Variants in ABCA1 observed in about 807,000 individuals in gnomAD.
ABCA1 encodes ATP binding cassette subfamily A member 1.
In ABCA1, 133 loss-of-function variants were observed where a neutral mutation model predicts 262.5. That is an observed-to-expected ratio of 0.51 (90% confidence interval 0.44 to 0.59). The LOEUF (loss-of-function observed/expected upper bound fraction) is 0.59. Ranked by LOEUF, ABCA1 falls within the 20% of genes least tolerant of loss-of-function variation. The probability of loss-of-function intolerance (pLI) is 0.00; values close to 1 mark genes in which losing one functional copy is unlikely to be tolerated. For synonymous variants in ABCA1, 1,022 were observed against 1,043.5 expected (o/e 0.98, Z 0.40); for missense variants, 2,452 against 2,777.5 (o/e 0.88, Z 2.63).
Position 104,793,176 on chromosome 9 carries a change from C to T in ABCA1, c.5631G>A (p.Arg1877=). ...TVLIQYRFFI[R]PRPVNAKLSP... ...GGTTCTAAGAAAAAGCTCACCTGGG[C>T]CTGATGAAGAATCTGTACTGGATCA... The change falls in exon 41 of 50, where the codon AGG becomes AGA. Residue 1877 remains arginine, a synonymous_variant. Transcript: ENST00000374736. The T allele has an allele frequency of 6.2e-7, 1 of 1,614,054 alleles. No homozygotes were observed.
intron 28 of ABCA1, among the ~76,000 whole-genome samples, chr9:104,811,787 GTCA>G (rs768387215): frequency 6.6e-5 from 10 of 152,134 alleles, no homozygotes; most frequent in Non-Finnish European, 1.2e-4. Flanking sequence ...GTTATCAATG[GTCA>G]TCATCAACAA....
chr9:104,884,578 T>C lies in ABCA1; in HGVS notation c.161-10A>G. The C allele has an allele frequency of 6.2e-7, 1 of 1,614,124 alleles. No homozygotes were observed. The highest frequency in any genetic ancestry group is 1.1e-5 in the South Asian group (1 of 91,084). ...TTATTTGGAAAATGGCCTGTTGAAATCGAGGAGTAGAAAAACACAGGGAGA... is the reference window on the plus strand; with the variant it reads ...TTATTTGGAAAATGGCCTGTTGAAACCGAGGAGTAGAAAAACACAGGGAGA... On this transcript the variant is annotated splice_polypyrimidine_tract_variant and intron_variant, in intron 3 of 49. Coordinates refer to ENST00000374736, the MANE Select transcript of ABCA1 (RefSeq NM_005502.4).
chr9:104,800,317 C>T (rs541121856), intron 35 of ABCA1, among the ~76,000 whole-genome samples, 193 bp downstream of exon 35: 1 of 152,262 alleles, frequency 6.6e-6, no homozygotes, highest in East Asian at 1.9e-4. Flanking sequence ...GTCAAGGTTA[C>T]CTGGTATGTC....
At chr9:104,901,160 C>T (rs1356556889) in intron 2 of ABCA1, among the ~76,000 whole-genome samples, 1 of 152,138 alleles carries the variant, frequency 6.6e-6, no homozygotes, top group Non-Finnish European at 1.5e-5. Context: ...TTTCCCTGCC[C>T]TTTCTTCTAA....
At chr9:104,815,051 A>T (rs188543580) in intron 25 of ABCA1, among the ~76,000 whole-genome samples, 52 of 152,308 alleles carry the variant, frequency 3.4e-4, no homozygotes, top group African/African-American at 1.1e-3. Flanking sequence ...CGCAGAAGAA[A>T]TTTATTCTGA....
chr9:104,819,882 G>A (rs774959700), intron 21 of ABCA1, 45 bp downstream of exon 21: 23 of 1,609,242 alleles, frequency 1.4e-5, no homozygotes, highest in East Asian at 6.7e-5. Context: ...GTGTGTAGCC[G>A]GAGGAGGAGG....
chr9:104,902,499 C>A (rs893678839), intron 2 of ABCA1, among the ~76,000 whole-genome samples: 1 of 152,202 alleles, frequency 6.6e-6, no homozygotes, highest in Non-Finnish European at 1.5e-5. Flanking sequence ...ACAGCTGCCT[C>A]ACCACATTTA....
rs754744987 is a variant in ABCA1 at position 104,819,963 on chromosome 9, A to C, written c.3067T>G (p.Ser1023Ala). 7 of 1,613,786 alleles carry C rather than the reference A, an allele frequency of 4.3e-6. No homozygotes were observed. Among genetic ancestry groups the C allele is most frequent in the Non-Finnish European group, 5.9e-6 (7 of 1,179,998 alleles). The change falls in exon 21 of 50, where the codon TCA becomes GCA. Residue 1023 changes from serine (S) to alanine (A), a missense_variant. Physicochemically the swap from Ser to Ala is moderately conservative, Grantham distance 99. Coordinates refer to ENST00000374736, the MANE Select transcript of ABCA1 (RefSeq NM_005502.4). ...EQMALDVGLPSSKLKSKTSQL... is the reference protein window; with the variant it reads ...EQMALDVGLPASKLKSKTSQL... Reference sequence around the variant, plus strand: ...CTTGTTTTGCTTTTCAGCTTGCTTGATGGCAAACCAACATCCAGGGCCATC... The same window carrying C: ...CTTGTTTTGCTTTTCAGCTTGCTTGCTGGCAAACCAACATCCAGGGCCATC...
Position 104,798,451 on chromosome 9 carries a change from GA to G in ABCA1, c.5090del (p.Ile1697ThrfsTer42). The part of the protein sequence containing the change: ...LQFISGVKPV[I>X]YWLSNFVWDM... ...CCCAGACAAAATTAGAGAGCCAGTA[GA>G]TGACAGGCTTCACTCCACTGATGAA... On this transcript the variant is annotated frameshift_variant, in exon 37 of 50. Coordinates refer to ENST00000374736, the MANE Select transcript of ABCA1 (RefSeq NM_005502.4). LOFTEE classifies it high-confidence loss of function. 6.2e-7 allele frequency: 1 copy of G among 1,614,216 alleles called. No homozygotes were observed. Among genetic ancestry groups the G allele is most frequent in the Non-Finnish European group, 8.5e-7 (1 of 1,180,032 alleles).
intron 7 of ABCA1, among the ~76,000 whole-genome samples, chr9:104,854,770 G>A (rs1835689738): frequency 2.0e-5 from 3 of 152,104 alleles, no homozygotes; most frequent in Admixed American, 2.0e-4. Context: ...AATACAATGA[G>A]CGCACTCCAT....
chr9:104,915,491 G>C (rs1036361771), intron 1 of ABCA1, among the ~76,000 whole-genome samples: 1 of 152,164 alleles, frequency 6.6e-6, no homozygotes, highest in African/African-American at 2.4e-5. Context: ...CCACTTACTT[G>C]TGATTCTGAA....
rs1341244004 is a variant in ABCA1, at chr9:104,876,437, G to A, written c.421+6602C>T. On this transcript the variant is annotated intron_variant, in intron 5 of 49. Transcript: ENST00000374736. ...TCCCAACCACTGCAAGGAGGTACCT[G>A]CTCAAGAGGGGACTGTGTCCACAGT... is the stretch of plus-strand genomic sequence containing the variant. Among the ~76,000 whole-genome samples, 4 of 152,280 alleles carry A rather than the reference G, an allele frequency of 2.6e-5. No individual in the cohort carries two copies. In the East Asian group the frequency reaches 7.7e-4, roughly 29 times the overall value.
At chr9:104,901,614 A>C (rs754868234) in intron 2 of ABCA1, among the ~76,000 whole-genome samples, 31 of 152,180 alleles carry the variant, frequency 2.0e-4, no homozygotes, top group Non-Finnish European at 4.0e-4. Flanking sequence ...GGGGATAACC[A>C]CGGGAGGCAG....
intron 25 of ABCA1, among the ~76,000 whole-genome samples, chr9:104,815,554 A>AT (rs1831670223): frequency 1.3e-5 from 2 of 152,132 alleles, no homozygotes; most frequent in Admixed American, 6.5e-5. Context: ...CTGAGTGTTC[A>AT]TTTTTTCATC....
chr9:104,868,292 CA>C (rs1317760073), intron 5 of ABCA1, among the ~76,000 whole-genome samples: 2 of 152,112 alleles, frequency 1.3e-5, no homozygotes, highest in Non-Finnish European at 2.9e-5. Context: ...GCAGAGGTTG[CA>C]GTGAGCCGAG....
rs191956587 is a variant in ABCA1, at chr9:104,873,318, C to T, written c.421+9721G>A. 4.6e-5 allele frequency among the ~76,000 whole-genome samples: 7 copies of T among 152,322 alleles called. 1 individual carries two copies. The highest frequency in any genetic ancestry group is 4.6e-4 in the Admixed American group (7 of 15,300). On this transcript the variant is annotated intron_variant, in intron 5 of 49. Coordinates refer to ENST00000374736, the MANE Select transcript of ABCA1 (RefSeq NM_005502.4). ...CAGAAAATATAGTCTGAGGCTGTAA[C>T]CTCAACTTTAGCAGCTGCCTGAATG...
intron 8 of ABCA1, among the ~76,000 whole-genome samples, chr9:104,842,892 C>A (rs1834508349): frequency 1.3e-5 from 2 of 152,132 alleles, no homozygotes; most frequent in Admixed American, 1.3e-4. Flanking sequence ...ATGGCACTCA[C>A]CTCCTCCTGC....
chr9:104,832,293 T>C (rs957382811), intron 12 of ABCA1, among the ~76,000 whole-genome samples: 3 of 152,198 alleles, frequency 2.0e-5, no homozygotes, highest in Non-Finnish European at 4.4e-5. Flanking sequence ...GTCACTGAGA[T>C]AGGAAAACCT....
rs560335315 is a variant in ABCA1, at chr9:104,915,662, TCAAA to T, written c.-92-11895_-92-11892del. 8.4e-3 allele frequency among the ~76,000 whole-genome samples: 1,273 copies of T among 152,154 alleles called. 9 individuals carry two copies. The highest frequency in any genetic ancestry group is 0.014 in the Middle Eastern group (4 of 294). On this transcript the variant is annotated intron_variant, in intron 1 of 49. Transcript: ENST00000374736. ...CTACTGTTATTAAGATTTTCACAAA[TCAAA>T]CATTCTGTGTGCCAAAGAACAAAGT... is the stretch of plus-strand genomic sequence containing the variant.
Sources: allele counts gnomAD v4.1 joint callset (sites outside exome capture counted in the v4.1 genomes callset), GRCh38; gene constraint gnomAD v4.1.1; transcripts MANE v1.5; gene names NCBI Gene and HGNC (gene_info 2026-07-23, HGNC 2026-07-21).